The following GRID2 variants were observed in gnomAD, a reference collection of about 807,000 sequenced individuals.
GRID2 encodes glutamate receptor ionotropic, delta-2.
A neutral mutation model predicts 114.8 loss-of-function variants in GRID2; 33 were observed. The observed-to-expected ratio is 0.29, with a 90% CI of 0.22 to 0.38. The LOEUF (loss-of-function observed/expected upper bound fraction) is 0.38, where lower values mean the gene tolerates loss of function less well. Among genes scored for constraint, GRID2 ranks in the 10% least tolerant of loss-of-function variants. The pLI is 1.00. For synonymous variants in GRID2, 505 were observed against 449.9 expected, an observed-to-expected ratio of 1.12 and a Z score of -1.55; for missense variants, 1,184 against 1,257.7, an observed-to-expected ratio of 0.94 and a Z score of 0.89.
chr4:92,392,930 A>T (rs1730317378), intron 1 of GRID2, among the ~76,000 whole-genome samples: 2 of 152,174 alleles, frequency 1.3e-5, no homozygotes, highest in South Asian at 4.1e-4. Flanking sequence ...TTGCATTGCT[A>T]TAAAGAAATA....
At chr4:93,077,839 AGT>A (rs1360409407) in intron 2 of GRID2, among the ~76,000 whole-genome samples, 2 of 152,194 alleles carry the variant, frequency 1.3e-5, no homozygotes, top group Non-Finnish European at 1.5e-5. Flanking sequence ...TTCTAAACAC[AGT>A]GTTAAGCAAA....
At chr4:92,382,445 G>C (rs901466032) in intron 1 of GRID2, among the ~76,000 whole-genome samples, 13 of 151,822 alleles carry the variant, frequency 8.6e-5, no homozygotes, top group Non-Finnish European at 1.9e-4. Context: ...ATGTCTTTTT[G>C]TTCTTGTTCG....
At chr4:93,470,818 T>A (rs1724731020) in intron 11 of GRID2, among the ~76,000 whole-genome samples, 1 of 152,146 alleles carries the variant, frequency 6.6e-6, no homozygotes, top group Admixed American at 6.5e-5. Flanking sequence ...TTCTTATCAA[T>A]TTATTTTTAA....
Position 93,626,341 on chromosome 4 carries a change from T to C in GRID2, c.2266T>C (p.Cys756Arg), listed in dbSNP as rs1218989320. Residue 756 changes from cysteine to arginine, a missense_variant, in exon 14 of 16, where the codon TGT (cysteine) becomes CGT (arginine). Around this residue, in one of 3 missense-constraint regions of GRID2, gnomAD observed 717 missense variants for 796.9 expected, o/e 0.90. Transcript: ENST00000282020. ...ATATGTGGCTATCAATGACCCAGAT[T>C]GTTCCTTTTACACCATTGGAAATAC... ...LEYVAINDPD[C>R]SFYTIGNTVA... The C allele has an allele frequency of 6.2e-7, 1 of 1,604,002 alleles. No individual in the cohort carries two copies. The highest frequency in any genetic ancestry group is 8.5e-7 in the Non-Finnish European group (1 of 1,171,064).
chr4:93,438,311 C>T (rs912022655), intron 10 of GRID2, among the ~76,000 whole-genome samples: 3 of 152,126 alleles, frequency 2.0e-5, no homozygotes, highest in African/African-American at 7.2e-5. Flanking sequence ...CGAATGGCAG[C>T]TTCTGCCTGG....
intron 11 of GRID2, among the ~76,000 whole-genome samples, chr4:93,477,298 A>G (rs1449865497): frequency 2.6e-5 from 4 of 152,136 alleles, no homozygotes; most frequent in Non-Finnish European, 5.9e-5. Flanking sequence ...TCGCCCCTTA[A>G]AGATTACATC....
At chr4:93,369,361 C>A (rs1055749617) in intron 8 of GRID2, among the ~76,000 whole-genome samples, 5 of 152,190 alleles carry the variant, frequency 3.3e-5, no homozygotes, top group African/African-American at 1.2e-4. Context: ...CAATACTTAA[C>A]ATAATTATAT....
intron 13 of GRID2, among the ~76,000 whole-genome samples, chr4:93,574,608 T>C (rs995908): frequency 0.26 from 39,330 of 151,920 alleles, 5,209 homozygotes; most frequent in Middle Eastern, 0.37. Flanking sequence ...CTTCAGATCT[T>C]GTGAGACTTA....
intron 13 of GRID2, among the ~76,000 whole-genome samples, chr4:93,543,783 T>G (rs1175307045): frequency 1.4e-5 from 2 of 144,470 alleles, no homozygotes. Flanking sequence ...ACCCAGAAAC[T>G]TATGGCAGCA....
chr4:92,628,650 G>A (rs777666720), intron 2 of GRID2, among the ~76,000 whole-genome samples: 1 of 152,102 alleles, frequency 6.6e-6, no homozygotes, highest in Non-Finnish European at 1.5e-5. Context: ...GAGCCATAGC[G>A]CCAGGCCCCA....
chr4:92,455,823 A>C (rs1721187174), intron 1 of GRID2, among the ~76,000 whole-genome samples: 1 of 152,202 alleles, frequency 6.6e-6, no homozygotes, highest in Non-Finnish European at 1.5e-5. Flanking sequence ...TCACACTTTG[A>C]TACTAGAATG....
chr4:93,066,684 A>G lies in GRID2; in HGVS notation c.245-18311A>G, dbSNP rs939494651. ...GATAAAATACTTTTTCTTATCATAG[A>G]TCTTAGCAACCTAAGCATATGATTT... On this transcript the variant is annotated intron_variant, in intron 2 of 15. Coordinates refer to ENST00000282020, the MANE Select transcript of GRID2 (RefSeq NM_001510.4). Among the ~76,000 whole-genome samples, 4 of 151,988 alleles carry G rather than the reference A, an allele frequency of 2.6e-5. No individual in the cohort carries two copies. The South Asian group carries it at 6.2e-4, about 24-fold the overall frequency.
intron 12 of GRID2, among the ~76,000 whole-genome samples, chr4:93,491,431 G>A (rs576057349): frequency 8.7e-4 from 132 of 151,920 alleles, no homozygotes; most frequent in Admixed American, 1.5e-3. Context: ...ATTCACAAAT[G>A]CCATTTCCGT....
At chr4:92,961,947 T>A (rs976215326) in intron 2 of GRID2, among the ~76,000 whole-genome samples, 2 of 151,920 alleles carry the variant, frequency 1.3e-5, no homozygotes, top group Non-Finnish European at 2.9e-5. Context: ...ATGACCGATC[T>A]ACTAATATGC....
At chr4:92,776,239 CA>C (rs1352143883) in intron 2 of GRID2, among the ~76,000 whole-genome samples, 6 of 151,994 alleles carry the variant, frequency 3.9e-5, no homozygotes, top group Admixed American at 3.3e-4. Flanking sequence ...GGTGCTTTTA[CA>C]AGATACCAGT....
In GRID2 at chr4:93,326,346, A is replaced by G. The variant is rs544189347; in HGVS notation, c.1246-69261A>G. Among the ~76,000 whole-genome samples, 4 of 152,264 alleles carry G rather than the reference A, an allele frequency of 2.6e-5. No individual in the cohort carries two copies. The East Asian group carries it at 7.7e-4, about 29-fold the overall frequency. On this transcript the variant is annotated intron_variant, in intron 8 of 15. Transcript: ENST00000282020. Reference sequence around the variant, plus strand: ...ATCCTCAAGAAGCTAGTTTCTAGACATTTAAACATGGACTGCAGTTGCTGC... The same window carrying G: ...ATCCTCAAGAAGCTAGTTTCTAGACGTTTAAACATGGACTGCAGTTGCTGC...
intron 1 of GRID2, among the ~76,000 whole-genome samples, chr4:93,804,947 T>C (rs1255374927): frequency 1.3e-5 from 2 of 152,240 alleles, no homozygotes; most frequent in East Asian, 1.9e-4. Context: ...TTATGTAATA[T>C]GGTAGATGTA....
At chr4:92,862,748 TA>T (rs937181185) in intron 2 of GRID2, among the ~76,000 whole-genome samples, 1 of 152,102 alleles carries the variant, frequency 6.6e-6, no homozygotes, top group African/African-American at 2.4e-5. Flanking sequence ...ATACATTTTT[TA>T]TAACTAAATG....
At chr4:93,629,200 A>G (rs1275535162) in intron 14 of GRID2, among the ~76,000 whole-genome samples, 2 of 152,256 alleles carry the variant, frequency 1.3e-5, no homozygotes, top group Non-Finnish European at 2.9e-5. Flanking sequence ...TTTAATTCTC[A>G]GAAAATGTAC....
Sources: gnomAD v4.1 joint callset for allele counts (sites outside exome capture counted in the v4.1 genomes callset) on GRCh38, gnomAD v4.1.1 for gene constraint, gnomAD v4.1.1 regional missense constraint, MANE v1.5 for transcripts, NCBI Gene and HGNC (gene_info 2026-07-23, HGNC 2026-07-21) for gene names.